EIF4G3: variants seen among roughly 807,000 people sequenced by gnomAD.
EIF4G3 encodes eIF-4-gamma 3.
A neutral mutation model predicts 186.4 loss-of-function variants in EIF4G3; 34 were observed. That is an observed-to-expected ratio of 0.18 (90% CI 0.14 to 0.24). The LOEUF (loss-of-function observed/expected upper bound fraction) is 0.24. Among genes scored for constraint, EIF4G3 ranks in the 10% least tolerant of loss-of-function variants. The probability of loss-of-function intolerance (pLI) is 1.00; values close to 1 mark genes in which losing one functional copy is unlikely to be tolerated. For synonymous variants in EIF4G3, 673 were observed against 679.5 expected, an observed-to-expected ratio of 0.99 and a Z score of 0.15; for missense variants, 1,536 against 1,948.5, an observed-to-expected ratio of 0.79 and a Z score of 3.99.
chr1:21,125,771 TACACACACACACACAC>T (rs59291288), intron 2 of EIF4G3, among the ~76,000 whole-genome samples: 54 of 146,140 alleles, frequency 3.7e-4, no homozygotes, highest in African/African-American at 8.3e-4. Flanking sequence ...TATATATATA[TACACACACACACACAC>T]ACACACACAC....
At chr1:21,112,569 A>T (rs932014505) in intron 2 of EIF4G3, among the ~76,000 whole-genome samples, 4 of 152,154 alleles carry the variant, frequency 2.6e-5, no homozygotes, top group African/African-American at 9.7e-5. Context: ...ATAATTTCTT[A>T]AGATGGATAC....
intron 4 of EIF4G3, among the ~76,000 whole-genome samples, chr1:21,009,675 G>C (rs1382515937): frequency 6.6e-6 from 1 of 151,352 alleles, no homozygotes; most frequent in Non-Finnish European, 1.5e-5. Flanking sequence ...GTAGTGGGGG[G>C]ACGGAGTTTT....
Position 20,980,208 on chromosome 1 carries a change from T to A in EIF4G3, c.493+126A>T, listed in dbSNP as rs890333994. The A allele has an allele frequency of 4.6e-6, 3 of 653,026 alleles. No homozygotes were observed. The African/African-American group carries it at 5.9e-5, about 13-fold the overall frequency. The allele number at this position is 653,026 out of a possible 1,614,324, so 40.5% of individuals were successfully genotyped here. A position where few individuals can be genotyped will look rare whatever the true frequency, so the allele number is the denominator to read the frequency against. ...AAAAAAGTAGCTTTCAAGAAAGAACTGTTAGCAGCATGTTATTTAAAAATC... is the reference window on the plus strand; with the variant it reads ...AAAAAAGTAGCTTTCAAGAAAGAACAGTTAGCAGCATGTTATTTAAAAATC... On this transcript the variant is annotated intron_variant, in intron 10 of 36. Transcript: ENST00000602326.
At chr1:20,897,851 A>C (rs965540993) in intron 16 of EIF4G3, among the ~76,000 whole-genome samples, 1 of 152,036 alleles carries the variant, frequency 6.6e-6, no homozygotes, top group Non-Finnish European at 1.5e-5. Context: ...CCTATACTGT[A>C]AAACTGATGG....
At chr1:21,102,310 A>G (rs1427070842) in intron 2 of EIF4G3, among the ~76,000 whole-genome samples, 1 of 152,166 alleles carries the variant, frequency 6.6e-6, no homozygotes, top group South Asian at 2.1e-4. Context: ...AATTATTTAT[A>G]AAAACAGGTA....
chr1:21,153,699 G>A (rs2097585273), intron 2 of EIF4G3, among the ~76,000 whole-genome samples: 1 of 151,984 alleles, frequency 6.6e-6, no homozygotes, highest in African/African-American at 2.4e-5. Context: ...TGAGTAGCTG[G>A]GATTATAGGT....
intron 29 of EIF4G3, among the ~76,000 whole-genome samples, chr1:20,846,383 A>G (rs1344341872): frequency 1.3e-5 from 2 of 152,154 alleles, no homozygotes; most frequent in African/African-American, 4.8e-5. Context: ...ACTTCCAGCT[A>G]TATCATTATA....
chr1:20,976,707 T>C (rs1276295517), intron 10 of EIF4G3, among the ~76,000 whole-genome samples: 1 of 151,988 alleles, frequency 6.6e-6, no homozygotes. Context: ...GCCTGTCTTC[T>C]AAAAAAAATT....
chr1:21,120,758 G>A (rs2102349775), intron 2 of EIF4G3, among the ~76,000 whole-genome samples: 1 of 152,198 alleles, frequency 6.6e-6, no homozygotes, highest in African/African-American at 2.4e-5. Context: ...AAAAGACTAT[G>A]GCACCGAATA....
chr1:21,069,861 G>A (rs1557812431), intron 3 of EIF4G3, among the ~76,000 whole-genome samples: 2 of 152,290 alleles, frequency 1.3e-5, no homozygotes, highest in East Asian at 3.9e-4. Context: ...AAAAGAGGAT[G>A]AGCTAATCAT....
intron 24 of EIF4G3, 111 bp from the exon 25 acceptor site, chr1:20,857,608 A>T (rs1194656642): frequency 7.6e-6 from 7 of 920,056 alleles, no homozygotes; most frequent in Non-Finnish European, 1.1e-5. Flanking sequence ...GAAGATGTTA[A>T]AGCATTGATG....
intron 4 of EIF4G3, among the ~76,000 whole-genome samples, chr1:21,033,806 G>T (rs2092949278): frequency 1.3e-5 from 2 of 152,150 alleles, no homozygotes; most frequent in South Asian, 4.1e-4. Flanking sequence ...AGAATAAAAA[G>T]GCCACGCGTG....
chr1:20,816,399 C>T (rs187673553), intron 34 of EIF4G3, among the ~76,000 whole-genome samples: 21,539 of 97,380 alleles, frequency 0.22, 2,792 homozygotes, highest in Non-Finnish European at 0.29. Flanking sequence ...GGCCGGCCGC[C>T]CCGTCCGGGA....
At chr1:21,141,625 T>C (rs1333251255) in intron 2 of EIF4G3, among the ~76,000 whole-genome samples, 1 of 151,872 alleles carries the variant, frequency 6.6e-6, no homozygotes, top group Non-Finnish European at 1.5e-5. Flanking sequence ...AATAGAAAAA[T>C]GTTTTTAAAA....
At chr1:21,046,370 T>G (rs2093889429) in intron 4 of EIF4G3, among the ~76,000 whole-genome samples, 1 of 152,194 alleles carries the variant, frequency 6.6e-6, no homozygotes, top group South Asian at 2.1e-4. Context: ...GCCTTAAAAC[T>G]TGGCACATAC....
intron 2 of EIF4G3, among the ~76,000 whole-genome samples, chr1:21,118,765 G>A (rs2096873253): frequency 6.8e-6 from 1 of 146,964 alleles, no homozygotes; most frequent in African/African-American, 2.5e-5. Flanking sequence ...CAGCCTGGGC[G>A]ACAGAGCGAG....
chr1:20,855,160 ACCAATTTTAGCAAC>A, intron 25 of EIF4G3, 89 bp from the exon 26 acceptor site: 1 of 1,038,564 alleles, frequency 9.6e-7, no homozygotes, highest in Non-Finnish European at 1.4e-6. Context: ...GTGAAGTAGA[ACCAATTTTAGCAAC>A]AAAAATTTGT....
chr1:20,913,094 A>C (rs1177588120), intron 14 of EIF4G3, among the ~76,000 whole-genome samples: 3 of 152,236 alleles, frequency 2.0e-5, no homozygotes, highest in African/African-American at 7.2e-5. Flanking sequence ...ATCTTCTCAG[A>C]GGTCGTTATT....
chr1:21,000,269 T>C (rs1428481170), intron 6 of EIF4G3, among the ~76,000 whole-genome samples: 3 of 151,978 alleles, frequency 2.0e-5, no homozygotes, highest in Non-Finnish European at 4.4e-5. Context: ...AAGCATCAAG[T>C]AGAAAGACAG....
Sources: allele counts gnomAD v4.1 joint callset (sites outside exome capture counted in the v4.1 genomes callset), GRCh38; gene constraint gnomAD v4.1.1; transcripts MANE v1.5; gene names NCBI Gene and HGNC (gene_info 2026-07-23, HGNC 2026-07-21).